Variants in HECTD4 observed in about 807,000 individuals in gnomAD.
HECTD4 encodes probable E3 ubiquitin-protein ligase HECTD4.
In HECTD4, 114 loss-of-function variants were observed where a neutral mutation model predicts 471.5. The observed-to-expected ratio is 0.24, with a 90% CI of 0.21 to 0.28. HECTD4 has a LOEUF of 0.28. Among genes scored for constraint, HECTD4 ranks in the 10% least tolerant of loss-of-function variants. The pLI is 1.00. For synonymous variants in HECTD4, 2,012 were observed against 2,256.0 expected (o/e 0.89, Z 3.07); for missense variants, 3,866 against 5,651.5 (o/e 0.68, Z 10.13).
At chr12:112,178,552 G>C (rs1026713430) in intron 64 of HECTD4, among the ~76,000 whole-genome samples, 1 of 152,142 alleles carries the variant, frequency 6.6e-6, no homozygotes, top group South Asian at 2.1e-4. Flanking sequence ...GACACCCACC[G>C]GGCACAGTGG....
intron 11 of HECTD4, among the ~76,000 whole-genome samples, chr12:112,272,629 C>T (rs917243460): frequency 6.6e-6 from 1 of 152,198 alleles, no homozygotes; most frequent in Non-Finnish European, 1.5e-5. Context: ...GTAGCTTAGG[C>T]TGTCTTAGGC....
intron 50 of HECTD4, among the ~76,000 whole-genome samples, chr12:112,209,320 C>T (rs1035242603): frequency 1.3e-5 from 2 of 151,310 alleles, no homozygotes; most frequent in African/African-American, 4.9e-5. Flanking sequence ...TACAAGTAAT[C>T]ATAAAAGTTT....
intron 67 of HECTD4, among the ~76,000 whole-genome samples, chr12:112,171,615 A>C (rs1015856231): frequency 1.8e-4 from 28 of 152,358 alleles, no homozygotes; most frequent in African/African-American, 6.7e-4. Context: ...AGTCCCGTGT[A>C]CATTTCTCCC....
At chr12:112,241,666 C>A (rs1377859147) in intron 32 of HECTD4, among the ~76,000 whole-genome samples, 26 of 152,088 alleles carry the variant, frequency 1.7e-4, no homozygotes, top group Non-Finnish European at 1.5e-5. Flanking sequence ...CACTATATTG[C>A]CCAGGCTGGT....
At chr12:112,170,296 C>A (rs767802788) in intron 69 of HECTD4, 37 bp downstream of exon 69, 1 of 1,609,846 alleles carries the variant, frequency 6.2e-7, no homozygotes, top group Non-Finnish European at 8.5e-7. Flanking sequence ...TTAGGCACTG[C>A]CATTTTGCAT....
intron 45 of HECTD4, among the ~76,000 whole-genome samples, chr12:112,218,743 CT>C (rs528371492): frequency 5.4e-5 from 8 of 148,352 alleles, no homozygotes; most frequent in Admixed American, 6.7e-5. Flanking sequence ...TTTTGCCCCT[CT>C]TTTTTTTTTG....
Position 112,204,382 on chromosome 12 carries a change from A to T in HECTD4, c.8269+104T>A, listed in dbSNP as rs946363882. 7.1e-6 allele frequency: 8 copies of T among 1,119,104 alleles called. No homozygotes were observed. The African/African-American group carries it at 1.2e-4, about 17-fold the overall frequency. The allele number at this position is 1,119,104 out of a possible 1,614,324, so 69.3% of individuals were successfully genotyped here. ...AGAGGTTAGCCCAGTCGGAGTAAGG[A>T]GAGTCACCCTAGGAGAACCACCAGC... is the stretch of plus-strand genomic sequence containing the variant. On this transcript the variant is annotated intron_variant, in intron 53 of 75. Transcript: ENST00000682272.
intron 1 of HECTD4, among the ~76,000 whole-genome samples, chr12:112,348,064 T>C (rs2036188884): frequency 6.6e-6 from 1 of 152,234 alleles, no homozygotes; most frequent in Admixed American, 6.5e-5. Context: ...CATGAACTTT[T>C]ATAATCTGAA....
chr12:112,282,110 G>A (rs1271178062), intron 8 of HECTD4, among the ~76,000 whole-genome samples: 1 of 152,082 alleles, frequency 6.6e-6, no homozygotes, highest in Non-Finnish European at 1.5e-5. Flanking sequence ...ACAGCCAGGC[G>A]CGGTGGCTCA....
In HECTD4 at chr12:112,216,496, C is replaced by T. The variant is rs1242899634; in HGVS notation, c.7386-125G>A. On this transcript the variant is annotated intron_variant, in intron 47 of 75. Transcript: ENST00000682272. Reference sequence around the variant, plus strand: ...GCATTGTGAGATTATTATAGTATCACTTTAGTATTAAAATACCCACACCAA... The same window carrying T: ...GCATTGTGAGATTATTATAGTATCATTTTAGTATTAAAATACCCACACCAA... 7 of 696,334 alleles carry T rather than the reference C, an allele frequency of 1.0e-5. No individual in the cohort carries two copies. The Admixed American group carries it at 1.6e-4, about 15-fold the overall frequency. 43.1% of individuals were successfully genotyped at this position (696,334 alleles called of 1,614,324 possible).
At position 112,184,989 on chromosome 12, in the gene HECTD4, C is replaced by G. The variant is rs200636721; in HGVS notation, c.9977G>C (p.Gly3326Ala). Residue 3326 changes from glycine to alanine, a missense_variant, in exon 61 of 76, where the codon GGC becomes GCC. Physicochemically the swap from Gly to Ala is moderately conservative, Grantham distance 60. Around this residue, in one of 16 missense-constraint regions of HECTD4, gnomAD observed 57 missense variants for 49.8 expected, o/e 1.14. Coordinates refer to ENST00000682272, the MANE Select transcript of HECTD4 (RefSeq NM_001388303.1). The surrounding 1 kb of genome is among the most constrained non-coding windows in gnomAD (Gnocchi z 9.1). ...KMKREKASSS[G>A]KRQSSRTVDS... is the part of the protein sequence containing the mutation. ...CACGGTGCGGGAAGACTGGCGCTTG[C>G]CCGACGAGGAGGCCTTTTCCCGCTT... 52 of 1,611,902 alleles carry G rather than the reference C, an allele frequency of 3.2e-5. No homozygotes were observed. The highest frequency in any genetic ancestry group is 4.2e-5 in the Non-Finnish European group (50 of 1,179,142).
rs376130779 is a variant in HECTD4 at position 112,172,729 on chromosome 12, G to C, written c.11727C>G (p.Pro3909=). 110 of 1,613,922 alleles carry C rather than the reference G, an allele frequency of 6.8e-5. No homozygotes were observed. The highest frequency in any genetic ancestry group is 4.9e-4 in the Middle Eastern group (3 of 6,082). ...HLAITPARLH[P]HEVYLDPADA... ...CCGCGGGGTCCAGGTACACCTCATG[G>C]GGATGGAGCCGTGCGGGTGTGATGG... The change falls in exon 67 of 76, where the codon CCC becomes CCG. Residue 3909 remains proline, a synonymous_variant. Transcript: ENST00000682272.
At chr12:112,366,892 A>T (rs2036571192) in intron 1 of HECTD4, among the ~76,000 whole-genome samples, 1 of 151,054 alleles carries the variant, frequency 6.6e-6, no homozygotes, top group African/African-American at 2.4e-5. Flanking sequence ...AAAAAAAAAA[A>T]AAAAGAAAGA....
intron 45 of HECTD4, among the ~76,000 whole-genome samples, chr12:112,218,099 A>C (rs1453862277): frequency 6.6e-6 from 1 of 151,754 alleles, no homozygotes; most frequent in African/African-American, 2.4e-5. Flanking sequence ...TGGAGGTTGC[A>C]GTGAGCTAAG....
At chr12:112,280,774 G>A (rs1215947158) in intron 8 of HECTD4, among the ~76,000 whole-genome samples, 6 of 149,114 alleles carry the variant, frequency 4.0e-5, no homozygotes, top group Non-Finnish European at 8.9e-5. Context: ...AGTTTTTAAT[G>A]GAATAAAAAC....
chr12:112,279,452 C>G (rs1037889029), intron 8 of HECTD4, 66 bp from the exon 9 acceptor site: 200 of 1,396,404 alleles, frequency 1.4e-4, no homozygotes, highest in Non-Finnish European at 1.9e-4. Context: ...ATTACCAACA[C>G]AGATTAGGAT....
chr12:112,235,440 G>A lies in HECTD4; in HGVS notation c.5725+64C>T, dbSNP rs2033477195. On this transcript the variant is annotated intron_variant, in intron 36 of 75. Transcript: ENST00000682272. This position sits in a 1 kb window ranked among gnomAD's most constrained non-coding sequence, Gnocchi z 5.0. ...CATCATAGGAAGCACAGATGCAAGG[G>A]GGACCTGACTGGGCACAGGAATGCT... is the stretch of plus-strand genomic sequence containing the variant. 6.5e-7 allele frequency: 1 copy of A among 1,538,702 alleles called. No homozygotes were observed. Among genetic ancestry groups the A allele is most frequent in the South Asian group, 1.3e-5 (1 of 77,956 alleles).
chr12:112,243,462 G>A lies in HECTD4; in HGVS notation c.4849C>T (p.Arg1617Cys). The change falls in exon 32 of 76, where the codon CGC (arginine) becomes TGC (cysteine). Residue 1617 changes from arginine (R) to cysteine (C), a missense_variant. Physicochemically the swap from Arg to Cys is radical, Grantham distance 180. This residue lies in a region of HECTD4 where 229 missense variants were observed against 386.4 expected (regional missense o/e 0.59). Coordinates refer to ENST00000682272, the MANE Select transcript of HECTD4 (RefSeq NM_001388303.1). This position sits in a 1 kb window ranked among gnomAD's most constrained non-coding sequence, Gnocchi z 6.6. ...AQTRWRRGNT[R>C]KQALVHMREL... ...CGCATGTGCACCAGTGCCTGCTTGC[G>A]AGTGTTTCCCCGCCGCCACCTTGTC... 1.9e-6 allele frequency: 3 copies of A among 1,608,768 alleles called. No homozygotes were observed. The highest frequency in any genetic ancestry group is 2.2e-5 in the East Asian group (1 of 44,624).
In HECTD4 at chr12:112,243,382, T is replaced by C; in HGVS notation, c.4929A>G (p.Pro1643=). The C allele has an allele frequency of 1.2e-6, 2 of 1,612,620 alleles. No individual in the cohort carries two copies. The highest frequency in any genetic ancestry group is 1.7e-6 in the Non-Finnish European group (2 of 1,179,302). ...GTCCTCCCTGAAGGACCATCGTCACTGGACCCACAAGATGCGTCACTCCCC... is the reference window on the plus strand; with the variant it reads ...GTCCTCCCTGAAGGACCATCGTCACCGGACCCACAAGATGCGTCACTCCCC... The part of the protein sequence containing the change: ...RVGGVTHLVG[P]VTMVLQGGPR... The change falls in exon 32 of 76, where the codon CCA becomes CCG. Residue 1643 remains proline (P), a synonymous_variant. Coordinates refer to ENST00000682272, the MANE Select transcript of HECTD4 (RefSeq NM_001388303.1). This position sits in a 1 kb window ranked among gnomAD's most constrained non-coding sequence, Gnocchi z 6.6.
Sources: allele counts gnomAD v4.1 joint callset (sites outside exome capture counted in the v4.1 genomes callset), GRCh38; gene constraint gnomAD v4.1.1; regional missense constraint gnomAD v4.1.1; non-coding constraint Gnocchi (gnomAD v3.1); transcripts MANE v1.5; gene names NCBI Gene and HGNC (gene_info 2026-07-23, HGNC 2026-07-21).